PARN: variants seen among roughly 807,000 people sequenced by gnomAD.
PARN encodes the protein poly(A)-specific ribonuclease.
PARN carries 71 observed loss-of-function variants against 102.8 expected under a neutral mutation model. That is an observed-to-expected ratio of 0.69 (90% confidence interval 0.57 to 0.84). PARN has a LOEUF of 0.84. Among genes scored for constraint, PARN ranks in the 40% least tolerant of loss-of-function variants. The pLI is 0.00. For missense variants in PARN, 782 were observed against 760.9 expected (o/e 1.03, Z -0.33); for synonymous variants, 261 against 252.9 (o/e 1.03, Z -0.30).
rs189230339 is a variant in PARN, at chr16:14,606,600, T to C, written c.660-74A>G. ...AATCCCAAAGTATTTTATAAGCAAC[T>C]ATCCAGCTACTAATTAAGTAAGTTT... On this transcript the variant is annotated intron_variant, in intron 9 of 23. Coordinates refer to ENST00000437198, the MANE Select transcript of PARN (RefSeq NM_002582.4). 1.4e-3 allele frequency: 1,026 copies of C among 730,498 alleles called. 1 individual carries two copies. The highest frequency in any genetic ancestry group is 2.1e-3 in the Non-Finnish European group (909 of 430,162). 45.3% of individuals were successfully genotyped at this position (730,498 alleles called of 1,614,324 possible).
intron 6 of PARN, among the ~76,000 whole-genome samples, chr16:14,615,374 T>C (rs1022017907): frequency 1.3e-5 from 2 of 151,840 alleles, no homozygotes; most frequent in African/African-American, 2.4e-5. Context: ...CTTCAAGAGA[T>C]GCTGCCACTA....
At chr16:14,591,916 T>C (rs1386910360) in intron 13 of PARN, 2 of 152,066 alleles carry the variant, frequency 1.3e-5, no homozygotes, top group Admixed American at 6.6e-5. Flanking sequence ...CACGCACCTG[T>C]AGTCCCAGCT....
intron 13 of PARN, among the ~76,000 whole-genome samples, chr16:14,590,628 C>T (rs1018599664): frequency 9.2e-5 from 12 of 130,566 alleles, no homozygotes; most frequent in Non-Finnish European, 1.7e-4. Flanking sequence ...GAACAAGATT[C>T]AGTCTCAAAA....
intron 21 of PARN, among the ~76,000 whole-genome samples, chr16:14,509,757 C>T (rs1965085133): frequency 6.6e-6 from 1 of 152,222 alleles, no homozygotes; most frequent in Admixed American, 6.5e-5. Flanking sequence ...ATAATCAGTA[C>T]ATCCTCAACC....
intron 18 of PARN, among the ~76,000 whole-genome samples, chr16:14,567,082 G>A (rs535964884): frequency 6.6e-6 from 1 of 152,164 alleles, no homozygotes; most frequent in African/African-American, 2.4e-5. Flanking sequence ...AAACTTTGAG[G>A]GTAATCAAAC....
chr16:14,609,965 G>A (rs12922921), intron 7 of PARN, among the ~76,000 whole-genome samples: 26 of 152,120 alleles, frequency 1.7e-4, no homozygotes, highest in Non-Finnish European at 3.5e-4. Context: ...TAATCCCAGC[G>A]CTCTGGGAGG....
chr16:14,501,078 T>G (rs1309590075), intron 21 of PARN, among the ~76,000 whole-genome samples: 1 of 151,914 alleles, frequency 6.6e-6, no homozygotes, highest in Non-Finnish European at 1.5e-5. Flanking sequence ...CAGTAACTAA[T>G]TCCCTTGAGG....
At position 14,436,662 on chromosome 16, in the gene PARN, A is replaced by G; in HGVS notation, c.*55T>C. ...ATACAGTGCGGCTTCCAAATGTGCC[A>G]GCCGGCTCTTGCTCACAGCGACAGC... On this transcript the variant is annotated 3_prime_UTR_variant, in exon 24 of 24. Transcript: ENST00000437198. The G allele has an allele frequency of 7.5e-7, 1 of 1,332,226 alleles. No individual in the cohort carries two copies. The highest frequency in any genetic ancestry group is 1.1e-6 in the Non-Finnish European group (1 of 942,176). The allele number at this position is 1,332,226 out of a possible 1,614,324, so 82.5% of individuals were successfully genotyped here. A position where few individuals can be genotyped will look rare whatever the true frequency, so the allele number is the denominator to read the frequency against.
chr16:14,477,914 C>T (rs7184698), intron 22 of PARN, among the ~76,000 whole-genome samples: 12,895 of 152,146 alleles, frequency 0.085, 926 homozygotes, highest in African/African-American at 0.2. Flanking sequence ...ATATCAGCAA[C>T]CAAATCCAAC....
At chr16:14,489,197 G>C in intron 21 of PARN, among the ~76,000 whole-genome samples, 1 of 152,158 alleles carries the variant, frequency 6.6e-6, no homozygotes, top group East Asian at 1.9e-4. Context: ...AGGGAATCAG[G>C]AGAACTAGAG....
At chr16:14,462,289 T>C (rs913740389) in intron 22 of PARN, among the ~76,000 whole-genome samples, 4 of 151,760 alleles carry the variant, frequency 2.6e-5, no homozygotes, top group African/African-American at 4.8e-5. Context: ...ATGAAAGTAT[T>C]GAAGGGGGAA....
chr16:14,493,174 C>G (rs1964143649), intron 21 of PARN, among the ~76,000 whole-genome samples: 1 of 152,148 alleles, frequency 6.6e-6, no homozygotes, highest in South Asian at 2.1e-4. Flanking sequence ...CCCAACTCTC[C>G]TGAAACCACC....
intron 5 of PARN, among the ~76,000 whole-genome samples, chr16:14,625,642 A>G (rs1334466378): frequency 6.6e-6 from 1 of 152,260 alleles, no homozygotes; most frequent in Middle Eastern, 3.2e-3. Flanking sequence ...CTATAAGACC[A>G]GAATTTAACC....
At chr16:14,588,028 T>C (rs893632342) in intron 13 of PARN, among the ~76,000 whole-genome samples, 2 of 152,142 alleles carry the variant, frequency 1.3e-5, no homozygotes, top group Non-Finnish European at 2.9e-5. Context: ...TGCTGTATAA[T>C]ACAAGACAAA....
Position 14,615,300 on chromosome 16 carries a change from T to C in PARN, c.388+2290A>G, listed in dbSNP as rs1456190366. ...CAATCTGGCTGTTTCTCTTCTTTTA[T>C]GGGAAAAAAAAAAAAAAACAAGTTA... On this transcript the variant is annotated intron_variant, in intron 6 of 23. Transcript: ENST00000437198. Among the ~76,000 whole-genome samples, 4 of 147,216 alleles carry C rather than the reference T, an allele frequency of 2.7e-5. No individual in the cohort carries two copies. The South Asian group carries it at 6.4e-4, about 24-fold the overall frequency.
At chr16:14,563,476 TTGTGTGTGTGTGTG>T (rs56099416) in intron 18 of PARN, among the ~76,000 whole-genome samples, 149 of 143,756 alleles carry the variant, frequency 1.0e-3, no homozygotes, top group Non-Finnish European at 1.5e-3. Context: ...GAAAATTCCT[TTGTGTGTGTGTGTG>T]TGTGTGTGTG....
intron 18 of PARN, among the ~76,000 whole-genome samples, chr16:14,566,585 CACAGAACACTAATCCAATACCCT>C (rs1414198142): frequency 2.7e-4 from 41 of 152,320 alleles, no homozygotes; most frequent in African/African-American, 9.6e-5. Context: ...TCACAGCAGC[CACAGAACACTAATCCAATACCCT>C]ACAGAACACT....
At chr16:14,470,619 CG>C (rs1555481741) in intron 22 of PARN, among the ~76,000 whole-genome samples, 1 of 150,254 alleles carries the variant, frequency 6.7e-6, no homozygotes, top group Non-Finnish European at 1.5e-5. Context: ...CCAACACACC[CG>C]GCTAACTTTT....
intron 23 of PARN, among the ~76,000 whole-genome samples, chr16:14,443,137 T>C (rs1239678652): frequency 1.3e-5 from 2 of 152,094 alleles, no homozygotes; most frequent in Non-Finnish European, 2.9e-5. Flanking sequence ...GACAAGACAA[T>C]AAAGGATGTT....
Sources: gnomAD v4.1 joint callset for allele counts (sites outside exome capture counted in the v4.1 genomes callset) on GRCh38, gnomAD v4.1.1 for gene constraint, MANE v1.5 for transcripts, NCBI Gene and HGNC (gene_info 2026-07-23, HGNC 2026-07-21) for gene names.